The following EIF5B variants were observed in gnomAD, a reference collection of about 807,000 sequenced individuals.
EIF5B encodes eukaryotic translation initiation factor 5B, also known as eIF-5B.
A neutral mutation model predicts 147.5 loss-of-function variants in EIF5B; 47 were observed. The observed-to-expected ratio is 0.32, with a 90% CI of 0.25 to 0.41. The LOEUF (loss-of-function observed/expected upper bound fraction) is 0.41. EIF5B is among the 10% of genes least tolerant of loss of function. The probability of loss-of-function intolerance (pLI) is 1.00; values close to 1 mark genes in which losing one functional copy is unlikely to be tolerated. For missense variants in EIF5B, 1,064 were observed against 1,413.2 expected (o/e 0.75, Z 3.96); for synonymous variants, 455 against 456.2 (o/e 1.00, Z 0.03).
At chr2:99,390,143 C>A in intron 15 of EIF5B, 76 bp from the exon 16 acceptor site, 1 of 1,527,790 alleles carries the variant, frequency 6.5e-7, no homozygotes, top group South Asian at 1.2e-5. Context: ...TTTGCTCATC[C>A]GGCTTCTAGT....
chr2:99,376,874 C>A (rs1674578607), intron 10 of EIF5B, among the ~76,000 whole-genome samples: 1 of 152,114 alleles, frequency 6.6e-6, no homozygotes, highest in Non-Finnish European at 1.5e-5. Flanking sequence ...TTCTTGTTTT[C>A]TCCAAATTTT....
chr2:99,358,215 C>T lies in EIF5B; in HGVS notation c.36-2021C>T, dbSNP rs145966705. Among the ~76,000 whole-genome samples the T allele has an allele frequency of 2.5e-3, 378 of 152,162 alleles. 6 individuals carry two copies. The highest frequency in any genetic ancestry group is 2.1e-3 in the East Asian group (11 of 5,170). On this transcript the variant is annotated intron_variant, in intron 1 of 23. Transcript: ENST00000289371. The stretch of plus-strand genomic sequence containing the variant: ...CCAAGTAGCTGGGACAAGAGGCATG[C>T]GCCACCATGCCTGGCTAATTTTTTT...
intron 1 of EIF5B, among the ~76,000 whole-genome samples, chr2:99,355,615 T>TG: frequency 7.0e-6 from 1 of 142,512 alleles, no homozygotes; most frequent in South Asian, 2.3e-4. Flanking sequence ...TTTGGGTTTT[T>TG]TTTTTTTTTT....
At chr2:99,399,170 T>TC in intron 23 of EIF5B, 137 bp from the exon 24 acceptor site, 2 of 854,436 alleles carry the variant, frequency 2.3e-6, no homozygotes, top group Non-Finnish European at 3.6e-6. Flanking sequence ...GGAATTCTAC[T>TC]CCCTTAGGCA....
At chr2:99,340,139 G>T (rs190988509) in intron 1 of EIF5B, among the ~76,000 whole-genome samples, 9 of 152,286 alleles carry the variant, frequency 5.9e-5, no homozygotes, top group Non-Finnish European at 2.9e-5. Context: ...CCTTTGACTG[G>T]AACTGCTTGG....
In EIF5B at chr2:99,379,306, G is replaced by A. The variant is rs750461720; in HGVS notation, c.1951-12G>A. On this transcript the variant is annotated splice_polypyrimidine_tract_variant and intron_variant, in intron 11 of 23. Transcript: ENST00000289371. Reference sequence around the variant, plus strand: ...GTTCAAATACCAATCTGTATTTGCTGTCTTCTCATAGCTCCGTCACACACA... The same window carrying A: ...GTTCAAATACCAATCTGTATTTGCTATCTTCTCATAGCTCCGTCACACACA... 6.3e-7 allele frequency: 1 copy of A among 1,598,090 alleles called. No homozygotes were observed. The highest frequency in any genetic ancestry group is 1.1e-5 in the South Asian group (1 of 88,348).
chr2:99,389,467 T>A (rs528354914), intron 14 of EIF5B: 1 of 258,402 alleles, frequency 3.9e-6, no homozygotes, highest in Non-Finnish European at 7.3e-6. Context: ...TGTTATCTTT[T>A]GCAAACAAAT....
At chr2:99,376,726 CTT>C in intron 10 of EIF5B, 90 bp downstream of exon 10, 1 of 1,463,664 alleles carries the variant, frequency 6.8e-7, no homozygotes, top group Non-Finnish European at 9.0e-7. Context: ...TTGAACAGCA[CTT>C]TATGTATTCT....
At chr2:99,376,734 A>C in intron 10 of EIF5B, 98 bp downstream of exon 10, 9 of 1,443,264 alleles carry the variant, frequency 6.2e-6, no homozygotes, top group Non-Finnish European at 8.2e-6. Flanking sequence ...CACTTTATGT[A>C]TTCTCAAGAA....
intron 1 of EIF5B, among the ~76,000 whole-genome samples, chr2:99,344,679 C>G (rs1201923296): frequency 6.6e-6 from 1 of 152,244 alleles, no homozygotes; most frequent in Non-Finnish European, 1.5e-5. Context: ...TCAAATGATC[C>G]ACCTGCTTCA....
Position 99,399,479 on chromosome 2 carries a change from C to T in EIF5B, c.*65C>T. 6.8e-7 allele frequency: 1 copy of T among 1,477,626 alleles called. No homozygotes were observed. Among genetic ancestry groups the T allele is most frequent in the East Asian group, 2.3e-5 (1 of 42,796 alleles). The allele number at this position is 1,477,626 out of a possible 1,614,324, so 91.5% of individuals were successfully genotyped here. A position where few individuals can be genotyped will look rare whatever the true frequency, so the allele number is the denominator to read the frequency against. On this transcript the variant is annotated 3_prime_UTR_variant, in exon 24 of 24. Coordinates refer to ENST00000289371, the MANE Select transcript of EIF5B (RefSeq NM_015904.4). ...TGTGTTGTAATATCCCAACAAAAAT[C>T]AGACAAAAAATGGAACAGACGTATT...
At chr2:99,361,921 TAA>T in intron 4 of EIF5B, 101 bp downstream of exon 4, 1 of 1,105,630 alleles carries the variant, frequency 9.0e-7, no homozygotes, top group Non-Finnish European at 1.2e-6. Flanking sequence ...TCCATGGGTA[TAA>T]AGACACTTGA....
rs1183847607 is a variant in EIF5B at position 99,400,481 on chromosome 2, T to C, written c.*1067T>C. On this transcript the variant is annotated 3_prime_UTR_variant, in exon 24 of 24. Transcript: ENST00000289371. ...TTCCAAATATCCACTAGCATAGAAT[T>C]TTAAACTATTTTTATTTTAAAGTTA... is the stretch of plus-strand genomic sequence containing the variant. 3 of 152,204 alleles carry C rather than the reference T, an allele frequency of 2.0e-5. No homozygotes were observed. Among genetic ancestry groups the C allele is most frequent in the Non-Finnish European group, 2.9e-5 (2 of 68,030 alleles). The allele number at this position is 152,204 out of a possible 1,614,324, so 9.4% of individuals were successfully genotyped here. A position where few individuals can be genotyped will look rare whatever the true frequency, so the allele number is the denominator to read the frequency against.
intron 1 of EIF5B, chr2:99,338,495 A>T (rs1033655277): frequency 3.5e-5 from 15 of 423,420 alleles, no homozygotes; most frequent in African/African-American, 8.2e-5. Flanking sequence ...GTGCTAGTTC[A>T]TCAGTCTGAC....
In EIF5B at chr2:99,394,347, A is replaced by G. The variant is rs3197957; in HGVS notation, c.2961A>G (p.Thr987=). Residue 987 remains threonine, a synonymous_variant, in exon 19 of 24, where the codon ACA becomes ACG. Coordinates refer to ENST00000289371, the MANE Select transcript of EIF5B (RefSeq NM_015904.4). ...AAGGAGTCTATGTCCAGGCATCTAC[A>G]CTGGGTTCTTTGGAAGCTCTACTGG... is the stretch of plus-strand genomic sequence containing the variant. The part of the protein sequence containing the change: ...EEKGVYVQAS[T]LGSLEALLEF... The G allele has an allele frequency of 0.013, 21,162 of 1,614,112 alleles. 156 individuals are homozygous for G. The highest frequency in any genetic ancestry group is 0.016 in the Middle Eastern group (94 of 6,062).
At chr2:99,398,950 G>GA in intron 23 of EIF5B, 41 bp downstream of exon 23, 1 of 1,594,870 alleles carries the variant, frequency 6.3e-7, no homozygotes. Context: ...AAGCAACAGG[G>GA]AATCACTCTT....
chr2:99,356,335 A>C (rs1019559874), intron 1 of EIF5B, among the ~76,000 whole-genome samples: 1 of 152,168 alleles, frequency 6.6e-6, no homozygotes, highest in Admixed American at 6.5e-5. Flanking sequence ...CACTGTACAC[A>C]GCTCATAGTT....
Position 99,382,835 on chromosome 2 carries a change from A to G in EIF5B, c.2185A>G (p.Ile729Val). ...LCDIAILVVD[I>V]MHGLEPQTIE... is the part of the protein sequence containing the mutation. ...TGACATTGCCATTTTAGTTGTTGAT[A>G]TTATGCATGGTTTGGAGCCCCAGAC... The change falls in exon 14 of 24, where the codon ATT (isoleucine) becomes GTT (valine). Residue 729 changes from isoleucine (I) to valine (V), a missense_variant. Ile to Val is a conservative substitution (Grantham distance 29, BLOSUM62 3). Around this residue, in one of 4 missense-constraint regions of EIF5B, gnomAD observed 380 missense variants for 715.6 expected, o/e 0.53. Transcript: ENST00000289371. 1 of 1,612,160 alleles carries G rather than the reference A, an allele frequency of 6.2e-7. No individual in the cohort carries two copies. The highest frequency in any genetic ancestry group is 1.3e-5 in the African/African-American group (1 of 74,932).
rs1182361613 is a variant in EIF5B, at chr2:99,338,186, G to C, written c.35+597G>C. On this transcript the variant is annotated intron_variant, in intron 1 of 23. Transcript: ENST00000289371. Reference sequence around the variant, plus strand: ...TTCTTCCGGCCTGTTTTTTTTTGTCGTTTCTTTGCTCTCTAGCCTTCCCCT... The same window carrying C: ...TTCTTCCGGCCTGTTTTTTTTTGTCCTTTCTTTGCTCTCTAGCCTTCCCCT... 4 of 560,008 alleles carry C rather than the reference G, an allele frequency of 7.1e-6. No individual in the cohort carries two copies. In the African/African-American group the frequency reaches 8.0e-5, roughly 11 times the overall value. The allele number at this position is 560,008 out of a possible 1,614,324, so 34.7% of individuals were successfully genotyped here. A position where few individuals can be genotyped will look rare whatever the true frequency, so the allele number is the denominator to read the frequency against.
Sources: allele counts gnomAD v4.1 joint callset (sites outside exome capture counted in the v4.1 genomes callset), GRCh38; gene constraint gnomAD v4.1.1; regional missense constraint gnomAD v4.1.1; transcripts MANE v1.5; gene names NCBI Gene and HGNC (gene_info 2026-07-23, HGNC 2026-07-21).